HELB: variants seen among roughly 807,000 people sequenced by gnomAD.
HELB encodes DNA 5'-3' helicase B.
HELB carries 96 observed loss-of-function variants against 101.7 expected under a neutral mutation model. That is an observed-to-expected ratio of 0.94 (90% CI 0.80 to 1.12). HELB has a LOEUF of 1.12. HELB is among the 50% of genes most tolerant of loss of function. HELB has a pLI of 0.00. For missense variants in HELB, 1,210 were observed against 1,291.9 expected (o/e 0.94, Z 0.97); for synonymous variants, 437 against 459.7 (o/e 0.95, Z 0.63).
chr12:66,317,327 A>G (rs1359056957), intron 6 of HELB, among the ~76,000 whole-genome samples: 1 of 152,194 alleles, frequency 6.6e-6, no homozygotes, highest in Admixed American at 6.5e-5. Flanking sequence ...TTCAAAACCT[A>G]CTTTCTCTAA....
rs2053573961 is a variant in HELB, at chr12:66,314,107, A to G, written c.1802A>G (p.Lys601Arg). The change falls in exon 5 of 13, where the codon AAA (lysine) becomes AGA (arginine). Residue 601 changes from lysine to arginine, a missense_variant. By Grantham distance (26) the Lys-to-Arg change is conservative (BLOSUM62 2). Around this residue, in one of 2 missense-constraint regions of HELB, gnomAD observed 740 missense variants for 728.8 expected, o/e 1.02. Transcript: ENST00000247815. ...EGSLVSVGIF[K>R]SVLNLLCEHS... The stretch of plus-strand genomic sequence containing the variant: ...AGTTTGGTATCTGTAGGAATCTTCA[A>G]ATCGGTCTTAAATTTATTGTGTGAG... 2 of 1,613,804 alleles carry G rather than the reference A, an allele frequency of 1.2e-6. No homozygotes were observed. The highest frequency in any genetic ancestry group is 1.7e-5 in the Admixed American group (1 of 59,996).
intron 11 of HELB, among the ~76,000 whole-genome samples, chr12:66,330,873 A>C (rs559078555): frequency 6.6e-6 from 1 of 152,060 alleles, no homozygotes; most frequent in Admixed American, 6.6e-5. Flanking sequence ...GTCTTTTATT[A>C]GGAAAGGTTT....
At chr12:66,328,846 ATAT>A (rs1403613128) in intron 11 of HELB, among the ~76,000 whole-genome samples, 1 of 152,202 alleles carries the variant, frequency 6.6e-6, no homozygotes, top group Admixed American at 6.5e-5. Context: ...AAATACAGGT[ATAT>A]TATTAACATT....
chr12:66,328,912 A>T (rs1232394522), intron 11 of HELB, among the ~76,000 whole-genome samples: 2 of 152,208 alleles, frequency 1.3e-5, no homozygotes, highest in Admixed American at 6.5e-5. Flanking sequence ...TAAGCTGCAT[A>T]TATGACTTAT....
Position 66,310,109 on chromosome 12 carries a change from C to T in HELB, c.1181C>T (p.Pro394Leu), listed in dbSNP as rs371956079. The T allele has an allele frequency of 1.9e-6, 3 of 1,614,144 alleles. No individual in the cohort carries two copies. The highest frequency in any genetic ancestry group is 1.7e-6 in the Non-Finnish European group (2 of 1,180,038). Residue 394 changes from proline to leucine, a missense_variant, in exon 4 of 13, where the codon CCT (proline) becomes CTT (leucine). Physicochemically the swap from Pro to Leu is moderately conservative, Grantham distance 98. This residue lies in a region of HELB where 470 missense variants were observed against 563.1 expected (regional missense o/e 0.83). Coordinates refer to ENST00000247815, the MANE Select transcript of HELB (RefSeq NM_001370285.1). ...KVLASIHTTK[P>L]ENSSDDALNE... ...CTTGCCTCTATTCACACCACAAAAC[C>T]TGAGAATTCAAGCGATGATGCATTG...
At chr12:66,332,321 T>A (rs2053819518) in intron 12 of HELB, among the ~76,000 whole-genome samples, 1 of 152,212 alleles carries the variant, frequency 6.6e-6, no homozygotes, top group Non-Finnish European at 1.5e-5. Flanking sequence ...TTGTTCCCAT[T>A]CTCGTAATGT....
intron 4 of HELB, 120 bp from the exon 5 acceptor site, chr12:66,313,866 T>C: frequency 1.3e-6 from 1 of 785,662 alleles, no homozygotes; most frequent in Non-Finnish European, 2.2e-6. Flanking sequence ...ACTTTTGTGT[T>C]TCTTTACTTC....
intron 4 of HELB, among the ~76,000 whole-genome samples, chr12:66,311,517 T>C (rs1476904272): frequency 6.6e-6 from 1 of 152,086 alleles, no homozygotes; most frequent in Non-Finnish European, 1.5e-5. Context: ...ATATAGTTAG[T>C]TTAGATCCTG....
In HELB at chr12:66,331,521, T is replaced by G; in HGVS notation, c.3038T>G (p.Phe1013Cys). The change falls in exon 12 of 13, where the codon TTT becomes TGT. Residue 1013 changes from phenylalanine to cysteine, a missense_variant. Physicochemically the swap from Phe to Cys is radical, Grantham distance 205. This residue lies in a region of HELB where 740 missense variants were observed against 728.8 expected (regional missense o/e 1.02). Transcript: ENST00000247815. ...TCGCCTGATGAGAGGACACTCACCT[T>G]TGCTGAAAGATGGCAATTATCTTCA... ...ASSPDERTLT[F>C]AERWQLSSPD... 1 of 1,614,176 alleles carries G rather than the reference T, an allele frequency of 6.2e-7. No individual in the cohort carries two copies. The highest frequency in any genetic ancestry group is 8.5e-7 in the Non-Finnish European group (1 of 1,180,034).
chr12:66,309,288 T>A (rs2053512305), intron 3 of HELB, among the ~76,000 whole-genome samples: 1 of 152,168 alleles, frequency 6.6e-6, no homozygotes, highest in African/African-American at 2.4e-5. Flanking sequence ...AGATAGACTT[T>A]CCATAGTAAG....
chr12:66,302,547 T>C lies in HELB; in HGVS notation c.-57T>C. 1.3e-6 allele frequency: 2 copies of C among 1,530,198 alleles called. No individual in the cohort carries two copies. The highest frequency in any genetic ancestry group is 1.8e-6 in the Non-Finnish European group (2 of 1,110,298). 94.8% of individuals were successfully genotyped at this position (1,530,198 alleles called of 1,614,324 possible). On this transcript the variant is annotated 5_prime_UTR_variant, in exon 1 of 13. An upstream start codon of the reference 5' UTR is lost. Transcript: ENST00000247815. Reference sequence around the variant, plus strand: ...AGTCGTAGAACTGATTGGCTGATCATGACCATGCAGTTAGCCAGGGTTTTC... The same window carrying C: ...AGTCGTAGAACTGATTGGCTGATCACGACCATGCAGTTAGCCAGGGTTTTC...
rs1008238574 is a variant in HELB, at chr12:66,310,124, A to G, written c.1196A>G (p.Asp399Gly). ...ACCACAAAACCTGAGAATTCAAGCG[A>G]TGATGCATTGAATGAGAGCAAACCT... ...IHTTKPENSS[D>G]DALNESKPDE... The change falls in exon 4 of 13, where the codon GAT becomes GGT. Residue 399 changes from aspartate (D) to glycine (G), a missense_variant. Around this residue, in one of 2 missense-constraint regions of HELB, gnomAD observed 470 missense variants for 563.1 expected, o/e 0.83. Coordinates refer to ENST00000247815, the MANE Select transcript of HELB (RefSeq NM_001370285.1). The G allele has an allele frequency of 1.2e-6, 2 of 1,614,120 alleles. No homozygotes were observed. Among genetic ancestry groups the G allele is most frequent in the Non-Finnish European group, 1.7e-6 (2 of 1,180,046 alleles).
rs2053453525 is a variant in HELB, at chr12:66,304,787, A to G, written c.244A>G (p.Ile82Val). The change falls in exon 2 of 13, where the codon ATA (isoleucine) becomes GTA (valine). Residue 82 changes from isoleucine to valine, a missense_variant. By Grantham distance (29) the Ile-to-Val change is conservative. Around this residue, in one of 2 missense-constraint regions of HELB, gnomAD observed 470 missense variants for 563.1 expected, o/e 0.83. Transcript: ENST00000247815. ...ETCKVFGRFPITGAWWRVKVQ... is the reference protein window; with the variant it reads ...ETCKVFGRFPVTGAWWRVKVQ... ...ATGTAAAGTGTTTGGACGTTTTCCGATAACAGGTGCTTGGTGGAGAGTGAA... is the reference window on the plus strand; with the variant it reads ...ATGTAAAGTGTTTGGACGTTTTCCGGTAACAGGTGCTTGGTGGAGAGTGAA... 1.2e-6 allele frequency: 2 copies of G among 1,614,070 alleles called. No homozygotes were observed. The highest frequency in any genetic ancestry group is 2.2e-5 in the East Asian group (1 of 44,872).
chr12:66,325,294 G>C (rs946897892), intron 11 of HELB, among the ~76,000 whole-genome samples, 168 bp downstream of exon 11: 4 of 151,968 alleles, frequency 2.6e-5, no homozygotes, highest in Non-Finnish European at 5.9e-5. Flanking sequence ...GCTCTTTTTT[G>C]CTCCAGAGCT....
At chr12:66,341,769 G>A (rs560640597), downstream of HELB, 1 of 152,298 alleles carries the variant, frequency 6.6e-6, no homozygotes, top group South Asian at 2.1e-4. Context: ...GTGATGGTGA[G>A]TTCTCATGAT....
intron 12 of HELB, among the ~76,000 whole-genome samples, chr12:66,334,032 C>T (rs999857458): frequency 1.3e-5 from 2 of 151,554 alleles, no homozygotes; most frequent in African/African-American, 4.9e-5. Context: ...TGGTGGCATG[C>T]ACCTATAGTC....
intron 6 of HELB, among the ~76,000 whole-genome samples, chr12:66,317,239 TA>T (rs746147917): frequency 7.2e-4 from 109 of 152,218 alleles, no homozygotes; most frequent in Admixed American, 1.3e-3. Context: ...TAAGAAAGTT[TA>T]TGAATTTGTG....
intron 12 of HELB, among the ~76,000 whole-genome samples, chr12:66,337,088 G>A (rs1442424765): frequency 6.6e-6 from 1 of 152,130 alleles, no homozygotes; most frequent in East Asian, 1.9e-4. Flanking sequence ...TGGGCCTGAG[G>A]ATAACTCCAA....
chr12:66,316,420 T>C (rs2053606033), intron 6 of HELB, among the ~76,000 whole-genome samples: 1 of 152,192 alleles, frequency 6.6e-6, no homozygotes, highest in African/African-American at 2.4e-5. Flanking sequence ...TTTTACAAAA[T>C]GTTTTGTTGC....
Sources: allele counts gnomAD v4.1 joint callset (sites outside exome capture counted in the v4.1 genomes callset), GRCh38; gene constraint gnomAD v4.1.1; regional missense constraint gnomAD v4.1.1; transcripts MANE v1.5; gene names NCBI Gene and HGNC (gene_info 2026-07-23, HGNC 2026-07-21).